Variants in CEP57L1 observed in about 807,000 individuals in gnomAD.
CEP57L1 encodes centrosomal protein CEP57L1.
In CEP57L1, 37 loss-of-function variants were observed where a neutral mutation model predicts 61.0. The ratio of observed to expected loss-of-function variants is 0.61; its 90% confidence interval spans 0.47 to 0.80. CEP57L1 has a LOEUF of 0.80. Ranked by LOEUF, CEP57L1 falls within the 30% of genes least tolerant of loss-of-function variation. CEP57L1 has a pLI of 0.00. For missense variants in CEP57L1, 422 were observed against 524.7 expected, an observed-to-expected ratio of 0.80 and a Z score of 1.91; for synonymous variants, 137 against 162.3, an observed-to-expected ratio of 0.84 and a Z score of 1.19.
chr6:109,149,132 C>T (rs1050139359), intron 3 of CEP57L1, among the ~76,000 whole-genome samples: 14 of 152,186 alleles, frequency 9.2e-5, no homozygotes, highest in African/African-American at 3.1e-4. Context: ...AATCAGATCC[C>T]ATTTGTCAAT....
chr6:109,152,878 G>A (rs1006097314), intron 4 of CEP57L1, among the ~76,000 whole-genome samples: 3 of 152,036 alleles, frequency 2.0e-5, no homozygotes, highest in Non-Finnish European at 2.9e-5. Context: ...GGAGGCCAAG[G>A]CGGGCAGATG....
chr6:109,109,092 G>T (rs191635257), intron 1 of CEP57L1, among the ~76,000 whole-genome samples: 1 of 152,246 alleles, frequency 6.6e-6, no homozygotes, highest in East Asian at 1.9e-4. Context: ...TCTATTATCA[G>T]TTGTTATTTC....
chr6:109,167,015 A>T lies in CEP57L1; in HGVS notation c.*4045A>T, dbSNP rs1405726704. Among the ~76,000 whole-genome samples the T allele has an allele frequency of 2.0e-5, 3 of 152,224 alleles. No homozygotes were observed. The highest frequency in any genetic ancestry group is 7.2e-5 in the African/African-American group (3 of 41,476). ...GCATAATAGCAACTGTGAGATTTTT[A>T]AAAAACTATGCGTGCCATTGCACCT... On this transcript the variant is annotated 3_prime_UTR_variant, in exon 11 of 11. Coordinates refer to ENST00000517392, the MANE Select transcript of CEP57L1 (RefSeq NM_001271852.3).
intron 1 of CEP57L1, chr6:109,129,424 A>G (rs988022826): frequency 1.2e-5 from 8 of 676,840 alleles, no homozygotes; most frequent in Middle Eastern, 2.8e-4. Context: ...GTGTCCCCCA[A>G]TCCAGAGATA....
chr6:109,112,002 C>G (rs982055965), intron 1 of CEP57L1, among the ~76,000 whole-genome samples: 7 of 152,204 alleles, frequency 4.6e-5, no homozygotes, highest in African/African-American at 1.7e-4. Flanking sequence ...TGTTGTGTCT[C>G]TGCCAGGTTT....
chr6:109,129,548 ACTTCT>A (rs1178185672), intron 1 of CEP57L1: 1 of 455,424 alleles, frequency 2.2e-6, no homozygotes, highest in Non-Finnish European at 4.4e-6. Context: ...CATATAATTT[ACTTCT>A]ACATTAAATT....
rs114078932 is a variant in CEP57L1, at chr6:109,109,712, C to T, written c.-4+14137C>T. Reference sequence around the variant, plus strand: ...CTAGCACCAAACCCCGTGACAGGCCCGGGTGAGTGATGTTCCCCTCCCTGT... The same window carrying T: ...CTAGCACCAAACCCCGTGACAGGCCTGGGTGAGTGATGTTCCCCTCCCTGT... On this transcript the variant is annotated intron_variant, in intron 1 of 10. Coordinates refer to ENST00000517392, the MANE Select transcript of CEP57L1 (RefSeq NM_001271852.3). Among the ~76,000 whole-genome samples, 1,266 of 152,252 alleles carry T rather than the reference C, an allele frequency of 8.3e-3. 23 individuals are homozygous for T. The highest frequency in any genetic ancestry group is 0.029 in the African/African-American group (1,209 of 41,534).
intron 6 of CEP57L1, 84 bp downstream of exon 6, chr6:109,155,391 C>T: frequency 1.4e-6 from 1 of 709,744 alleles, no homozygotes; most frequent in Non-Finnish European, 2.1e-6. Context: ...AGCCTATGTT[C>T]TAGATTCTAA....
At chr6:109,147,766 A>G (rs1162183886) in intron 3 of CEP57L1, among the ~76,000 whole-genome samples, 1 of 152,232 alleles carries the variant, frequency 6.6e-6, no homozygotes, top group Admixed American at 6.5e-5. Context: ...CTGAAAGAGA[A>G]GAAATATATT....
intron 1 of CEP57L1, among the ~76,000 whole-genome samples, chr6:109,136,488 C>G (rs1770697225): frequency 6.6e-6 from 1 of 151,270 alleles, no homozygotes; most frequent in Non-Finnish European, 1.5e-5. Flanking sequence ...TGGGTGCAGC[C>G]CACGAACATG....
chr6:109,112,434 C>T (rs1771770081), intron 1 of CEP57L1, among the ~76,000 whole-genome samples: 1 of 151,894 alleles, frequency 6.6e-6, no homozygotes, highest in Admixed American at 6.6e-5. Flanking sequence ...ATTCGTGTAT[C>T]TATTTTGTTG....
intron 4 of CEP57L1, among the ~76,000 whole-genome samples, chr6:109,152,741 TAGAG>T (rs1772777336): frequency 6.6e-6 from 1 of 151,436 alleles, no homozygotes; most frequent in Admixed American, 6.6e-5. Flanking sequence ...TTTTCTATGT[TAGAG>T]AGAGGGTAAG....
chr6:109,125,592 G>A (rs1773469740), intron 1 of CEP57L1, among the ~76,000 whole-genome samples: 1 of 150,102 alleles, frequency 6.7e-6, no homozygotes, highest in African/African-American at 2.5e-5. Flanking sequence ...ATTCTAAAGA[G>A]AAAAGGGTGT....
chr6:109,100,721 G>A (rs1782292348), intron 1 of CEP57L1, among the ~76,000 whole-genome samples: 1 of 149,844 alleles, frequency 6.7e-6, no homozygotes, highest in South Asian at 2.1e-4. Context: ...TACAGAATCT[G>A]TAGCCTAGGA....
intron 1 of CEP57L1, among the ~76,000 whole-genome samples, chr6:109,127,244 A>G (rs1467879618): frequency 1.3e-5 from 2 of 152,210 alleles, no homozygotes; most frequent in South Asian, 2.1e-4. Flanking sequence ...AGACTATTTA[A>G]TGAGTTTGGA....
chr6:109,158,966 T>C, intron 7 of CEP57L1, 59 bp from the exon 8 acceptor site: 1 of 1,520,004 alleles, frequency 6.6e-7, no homozygotes, highest in South Asian at 1.2e-5. Context: ...GAGTTCTTCA[T>C]ATCGTAAATA....
rs1773414737 is a variant in CEP57L1, at chr6:109,158,354, T to C, written c.745-671T>C. 3 of 238,160 alleles carry C rather than the reference T, an allele frequency of 1.3e-5. No homozygotes were observed. The South Asian group carries it at 1.4e-4, about 11-fold the overall frequency. The allele number at this position is 238,160 out of a possible 1,614,324, so 14.8% of individuals were successfully genotyped here. On this transcript the variant is annotated intron_variant, in intron 7 of 10. Transcript: ENST00000517392. ...AATACAAAAATTAGCCAGGCAGTAG[T>C]GGCACACACCTGTAATCCCAGCTAC...
At position 109,173,688 on chromosome 6, in the gene CEP57L1, T is replaced by A. The variant is rs1774510123; in HGVS notation, c.*10718T>A. On this transcript the variant is annotated 3_prime_UTR_variant, in exon 11 of 11. Transcript: ENST00000517392. ...TCTGGGCTCAAGCAATCCTTCCACC[T>A]CAGCCTCCCAAAGCTCTGGGATTAC... Among the ~76,000 whole-genome samples the A allele has an allele frequency of 1.3e-5, 2 of 150,938 alleles. No individual in the cohort carries two copies. The highest frequency in any genetic ancestry group is 3.0e-5 in the Non-Finnish European group (2 of 67,780).
chr6:109,137,510 C>T (rs1770879556), intron 1 of CEP57L1, among the ~76,000 whole-genome samples: 1 of 152,118 alleles, frequency 6.6e-6, no homozygotes, highest in Admixed American at 6.5e-5. Context: ...CCATGTTGGT[C>T]AGGCTGGTCT....
Sources: allele counts gnomAD v4.1 joint callset (sites outside exome capture counted in the v4.1 genomes callset), GRCh38; gene constraint gnomAD v4.1.1; transcripts MANE v1.5; gene names NCBI Gene and HGNC (gene_info 2026-07-23, HGNC 2026-07-21).